The following PARD3 variants were observed in gnomAD, a reference collection of about 807,000 sequenced individuals.
PARD3 encodes the protein partitioning defective 3 homolog.
In PARD3, 75 loss-of-function variants were observed where a neutral mutation model predicts 155.4. The observed-to-expected ratio is 0.48, with a 90% CI of 0.40 to 0.58. The LOEUF (loss-of-function observed/expected upper bound fraction) is 0.58, where lower values mean the gene tolerates loss of function less well. Ranked by LOEUF, PARD3 falls within the 20% of genes least tolerant of loss-of-function variation. The pLI is 0.00. For missense variants in PARD3, 1,642 were observed against 1,721.7 expected, an observed-to-expected ratio of 0.95 and a Z score of 0.82; for synonymous variants, 576 against 610.5, an observed-to-expected ratio of 0.94 and a Z score of 0.83.
chr10:34,696,527 A>G (rs1243887511), intron 1 of PARD3, 108 bp from the exon 2 acceptor site: 2 of 723,626 alleles, frequency 2.8e-6, no homozygotes, highest in African/African-American at 1.8e-5. Context: ...AATCAACCTC[A>G]TATCAACAAT....
At chr10:34,243,670 T>G (rs1953752876) in intron 22 of PARD3, among the ~76,000 whole-genome samples, 1 of 152,136 alleles carries the variant, frequency 6.6e-6, no homozygotes, top group South Asian at 2.1e-4. Flanking sequence ...GCCCCGTCTC[T>G]ACAAAAAATA....
intron 7 of PARD3, among the ~76,000 whole-genome samples, chr10:34,395,308 T>A (rs1843211201): frequency 6.6e-6 from 1 of 152,106 alleles, no homozygotes. Context: ...GTGCTAGGAT[T>A]ACAGGCGTGA....
intron 1 of PARD3, among the ~76,000 whole-genome samples, chr10:34,726,654 A>G (rs146085980): frequency 0.014 from 2,071 of 152,030 alleles, 53 homozygotes; most frequent in African/African-American, 0.046. Context: ...CCAGCTACTC[A>G]GGAGGCTGAG....
chr10:34,116,716 A>G (rs974344989), intron 24 of PARD3, among the ~76,000 whole-genome samples: 6 of 152,224 alleles, frequency 3.9e-5, no homozygotes, highest in African/African-American at 1.4e-4. Context: ...ATAACTCTTT[A>G]ATTTGAGGAT....
At position 34,462,307 on chromosome 10, in the gene PARD3, T is replaced by G. The variant is rs529102651; in HGVS notation, c.582+7778A>C. On this transcript the variant is annotated intron_variant, in intron 4 of 24. Coordinates refer to ENST00000374788, the MANE Select transcript of PARD3 (RefSeq NM_001184785.2). Reference sequence around the variant, plus strand: ...TTAAGCTTTTGGATGGTTACCATAATGCTGGAAGCTATGCTTGGCTCACAA... The same window carrying G: ...TTAAGCTTTTGGATGGTTACCATAAGGCTGGAAGCTATGCTTGGCTCACAA... Among the ~76,000 whole-genome samples, 33 of 152,344 alleles carry G rather than the reference T, an allele frequency of 2.2e-4. No homozygotes were observed. The East Asian group carries it at 5.8e-3, about 27-fold the overall frequency.
At chr10:34,658,739 T>C (rs2093249139) in intron 2 of PARD3, among the ~76,000 whole-genome samples, 1 of 152,138 alleles carries the variant, frequency 6.6e-6, no homozygotes, top group Non-Finnish European at 1.5e-5. Flanking sequence ...CAGCTCCCTC[T>C]AAAGCTCCAG....
At chr10:34,219,538 G>A (rs1387447680) in intron 22 of PARD3, among the ~76,000 whole-genome samples, 1 of 152,156 alleles carries the variant, frequency 6.6e-6, no homozygotes, top group Non-Finnish European at 1.5e-5. Flanking sequence ...GTTCAACAGG[G>A]ATTGTTTTAA....
At chr10:34,512,144 T>C (rs2133568241) in intron 3 of PARD3, among the ~76,000 whole-genome samples, 1 of 152,296 alleles carries the variant, frequency 6.6e-6, no homozygotes, top group Middle Eastern at 3.4e-3. Context: ...AGAATAGTAA[T>C]ATTCCAATGC....
intron 23 of PARD3, among the ~76,000 whole-genome samples, chr10:34,125,610 C>T (rs1312085602): frequency 1.3e-5 from 2 of 152,224 alleles, no homozygotes; most frequent in Non-Finnish European, 2.9e-5. Context: ...CTATGACTGC[C>T]TTGCCAATTA....
At chr10:34,763,018 A>T (rs1046196461) in intron 1 of PARD3, among the ~76,000 whole-genome samples, 1 of 152,230 alleles carries the variant, frequency 6.6e-6, no homozygotes, top group Non-Finnish European at 1.5e-5. Context: ...ATTCTATCAG[A>T]AGGCGTATTT....
At chr10:34,590,130 C>T (rs1231273741) in intron 2 of PARD3, among the ~76,000 whole-genome samples, 4 of 152,086 alleles carry the variant, frequency 2.6e-5, no homozygotes, top group African/African-American at 9.7e-5. Flanking sequence ...GCAGGACGTC[C>T]TTCTCAAGGC....
At chr10:34,225,707 C>G (rs1469860740) in intron 22 of PARD3, among the ~76,000 whole-genome samples, 2 of 152,086 alleles carry the variant, frequency 1.3e-5, no homozygotes, top group Non-Finnish European at 2.9e-5. Context: ...ACTTGAGTTT[C>G]TTACCTCATC....
rs2079697792 is a variant in PARD3, at chr10:34,489,163, C to T, written c.404-18900G>A. 2.0e-5 allele frequency among the ~76,000 whole-genome samples: 3 copies of T among 152,146 alleles called. No homozygotes were observed. The South Asian group carries it at 6.2e-4, about 32-fold the overall frequency. ...GACCAGCCTGGCCAAGATGGTGAAA[C>T]CCTGTCTCTACTAAAAATACAAAAA... On this transcript the variant is annotated intron_variant, in intron 3 of 24. Coordinates refer to ENST00000374788, the MANE Select transcript of PARD3 (RefSeq NM_001184785.2).
Position 34,517,045 on chromosome 10 carries a change from C to T in PARD3, c.337G>A (p.Val113Ile). ...GCTTGGTAAGGCTGAAAGGCTGAGA[C>T]ATTGTTGGTGCCAAGCTCACTACCA... ...IFGSELGTNN[V>I]SAFQPYQATS... Residue 113 changes from valine (V) to isoleucine (I), a missense_variant, in exon 3 of 25, where the codon GTC (valine) becomes ATC (isoleucine). Physicochemically the swap from Val to Ile is conservative, Grantham distance 29 (BLOSUM62 3). Around this residue, in one of 3 missense-constraint regions of PARD3, gnomAD observed 1,529 missense variants for 1,587.3 expected, o/e 0.96. Coordinates refer to ENST00000374788, the MANE Select transcript of PARD3 (RefSeq NM_001184785.2). 1.9e-6 allele frequency: 3 copies of T among 1,614,200 alleles called. No individual in the cohort carries two copies. The highest frequency in any genetic ancestry group is 1.1e-5 in the South Asian group (1 of 91,078).
chr10:34,507,257 A>G (rs1449862828), intron 3 of PARD3, among the ~76,000 whole-genome samples: 1 of 152,214 alleles, frequency 6.6e-6, no homozygotes, highest in Non-Finnish European at 1.5e-5. Context: ...AATGCAAAAA[A>G]GAACACATAA....
chr10:34,192,934 C>A (rs756234131), intron 22 of PARD3, among the ~76,000 whole-genome samples: 1 of 152,282 alleles, frequency 6.6e-6, no homozygotes, highest in East Asian at 1.9e-4. Context: ...AAAACTAGAA[C>A]GTATTTTTAT....
At chr10:34,660,352 T>C (rs1318481047) in intron 2 of PARD3, among the ~76,000 whole-genome samples, 1 of 152,220 alleles carries the variant, frequency 6.6e-6, no homozygotes, top group Non-Finnish European at 1.5e-5. Flanking sequence ...AATATCTAGA[T>C]AAATACTTAC....
chr10:34,129,049 T>C (rs12252888), intron 23 of PARD3, among the ~76,000 whole-genome samples: 1,622 of 152,380 alleles, frequency 0.011, 28 homozygotes, highest in African/African-American at 0.037. Context: ...ATCCAGCCTC[T>C]GTAGTCAACT....
chr10:34,615,784 C>T (rs552419316), intron 2 of PARD3, among the ~76,000 whole-genome samples: 62 of 152,036 alleles, frequency 4.1e-4, no homozygotes, highest in Non-Finnish European at 7.6e-4. Context: ...AGAAAATGAT[C>T]TAAATAGAGA....
Sources: allele counts gnomAD v4.1 joint callset (sites outside exome capture counted in the v4.1 genomes callset), GRCh38; gene constraint gnomAD v4.1.1; regional missense constraint gnomAD v4.1.1; transcripts MANE v1.5; gene names NCBI Gene and HGNC (gene_info 2026-07-23, HGNC 2026-07-21).